The following CTNNA2 variants were observed in gnomAD, a reference collection of about 807,000 sequenced individuals.
CTNNA2 encodes catenin alpha 2.
In CTNNA2, 42 loss-of-function variants were observed where a neutral mutation model predicts 101.0. The ratio of observed to expected loss-of-function variants is 0.42; its 90% CI spans 0.32 to 0.54. The LOEUF (loss-of-function observed/expected upper bound fraction) is 0.54. Among genes scored for constraint, CTNNA2 ranks in the 20% least tolerant of loss-of-function variants. The pLI, the probability that CTNNA2 is intolerant of heterozygous loss-of-function variation, is 0.14. For synonymous variants in CTNNA2, 450 were observed against 456.4 expected (o/e 0.99, Z 0.18); for missense variants, 871 against 1,223.1 (o/e 0.71, Z 4.29).
In CTNNA2 at chr2:79,405,754, T is replaced by A. The variant is rs574656380; in HGVS notation, c.-135+31741T>A. Reference sequence around the variant, plus strand: ...AATCAGGGTAATAAGTATATTCATCTTCTTTTATCTTTGTGAGAGTACCCA... The same window carrying A: ...AATCAGGGTAATAAGTATATTCATCATCTTTTATCTTTGTGAGAGTACCCA... On this transcript the variant is annotated intron_variant, in intron 4 of 21. Coordinates refer to the CTNNA2 transcript ENST00000466387. Among the ~76,000 whole-genome samples the A allele has an allele frequency of 1.4e-4, 22 of 152,272 alleles. No homozygotes were observed. In the South Asian group the frequency reaches 4.6e-3, roughly 32 times the overall value.
chr2:80,408,726 G>T (rs980963952), intron 8 of CTNNA2, among the ~76,000 whole-genome samples: 2 of 152,144 alleles, frequency 1.3e-5, no homozygotes, highest in South Asian at 2.1e-4. Flanking sequence ...GTAAGTAATC[G>T]ACTAGGGGTG....
At chr2:80,201,815 AGTT>A (rs1354514374) in intron 7 of CTNNA2, among the ~76,000 whole-genome samples, 5 of 152,062 alleles carry the variant, frequency 3.3e-5, no homozygotes, top group African/African-American at 9.7e-5. Flanking sequence ...GTTTTTGCCT[AGTT>A]GTTGTTATTT....
chr2:79,911,662 C>A (rs1302913433), intron 7 of CTNNA2, among the ~76,000 whole-genome samples: 1 of 152,150 alleles, frequency 6.6e-6, no homozygotes. Flanking sequence ...ATCTTAGTTT[C>A]TATTTTGACA....
intron 3 of CTNNA2, among the ~76,000 whole-genome samples, chr2:79,807,227 T>G (rs978204849): frequency 6.6e-6 from 1 of 152,196 alleles, no homozygotes; most frequent in Non-Finnish European, 1.5e-5. Context: ...CTCCTATTTC[T>G]CTTCTTTGTA....
intron 2 of CTNNA2, among the ~76,000 whole-genome samples, chr2:79,253,694 T>G (rs1282938565): frequency 3.9e-5 from 6 of 152,198 alleles, no homozygotes; most frequent in Non-Finnish European, 7.3e-5. Context: ...GAACTTAACT[T>G]CATTTATATT....
chr2:80,512,738 GT>G (rs1220722140), intron 9 of CTNNA2, among the ~76,000 whole-genome samples: 1 of 151,554 alleles, frequency 6.6e-6, no homozygotes, highest in Non-Finnish European at 1.5e-5. Flanking sequence ...CTATGTCAGT[GT>G]TTTTTAGTAT....
intron 9 of CTNNA2, among the ~76,000 whole-genome samples, chr2:80,420,807 T>A (rs188315696): frequency 7.9e-4 from 121 of 152,286 alleles, no homozygotes; most frequent in African/African-American, 2.9e-3. Context: ...TGAGCCATCA[T>A]CCATGACAGC....
At chr2:79,873,558 C>A (rs936950036) in intron 5 of CTNNA2, among the ~76,000 whole-genome samples, 1 of 152,004 alleles carries the variant, frequency 6.6e-6, no homozygotes, top group Non-Finnish European at 1.5e-5. Context: ...GGAGCCCTGT[C>A]AGGTGAAAGG....
rs201104527 is a variant in CTNNA2, at chr2:80,374,667, C to CTGCG, written c.1057-18529_1057-18526dup. 8.1e-3 allele frequency among the ~76,000 whole-genome samples: 1,211 copies of CTGCG among 149,182 alleles called. 20 individuals carry two copies. The highest frequency in any genetic ancestry group is 0.028 in the African/African-American group (1,129 of 39,948). ...CTTCGGCCCTCACACTGTCTTTCCT[C>CTGCG]TGCGTGCGTGCGTGCGTGTGTGTGT... On this transcript the variant is annotated intron_variant, in intron 7 of 18. Transcript: ENST00000402739.
At chr2:79,938,720 T>A (rs887243146) in intron 7 of CTNNA2, among the ~76,000 whole-genome samples, 19 of 152,196 alleles carry the variant, frequency 1.2e-4, no homozygotes, top group South Asian at 4.1e-4. Flanking sequence ...CAATTTTTTT[T>A]AAAAGTATTA....
intron 2 of CTNNA2, among the ~76,000 whole-genome samples, chr2:79,260,394 G>A (rs896838731): frequency 2.6e-5 from 4 of 152,120 alleles, no homozygotes; most frequent in Admixed American, 6.6e-5. Context: ...GGCTCTGTTT[G>A]CTAGATATGT....
chr2:80,183,918 G>A (rs1330699660), intron 7 of CTNNA2, among the ~76,000 whole-genome samples: 1 of 151,828 alleles, frequency 6.6e-6, no homozygotes, highest in Non-Finnish European at 1.5e-5. Flanking sequence ...TGTAAGCATT[G>A]TATGGGGCAT....
chr2:80,073,047 GAGTAGA>G (rs1194047216), intron 7 of CTNNA2, among the ~76,000 whole-genome samples: 2 of 152,158 alleles, frequency 1.3e-5, no homozygotes, highest in Non-Finnish European at 2.9e-5. Flanking sequence ...CAATTATCGT[GAGTAGA>G]AGCCAGAAGC....
intron 7 of CTNNA2, among the ~76,000 whole-genome samples, chr2:80,307,528 C>G (rs1677145938): frequency 6.6e-6 from 1 of 151,830 alleles, no homozygotes; most frequent in Admixed American, 6.6e-5. Flanking sequence ...CCTGCTTATT[C>G]TCTCATATGT....
intron 9 of CTNNA2, among the ~76,000 whole-genome samples, chr2:80,460,088 C>A (rs1684298608): frequency 6.6e-6 from 1 of 152,102 alleles, no homozygotes; most frequent in Non-Finnish European, 1.5e-5. Flanking sequence ...GAAATTTAAA[C>A]TCTTAAGACT....
rs138936560 is a variant in CTNNA2, at chr2:80,149,432, C to T, written c.1056+239635C>T. Reference sequence around the variant, plus strand: ...ATAGATGGACATGTACATACACATGCGCACACACACATCATATCCATTTAA... The same window carrying T: ...ATAGATGGACATGTACATACACATGTGCACACACACATCATATCCATTTAA... On this transcript the variant is annotated intron_variant, in intron 7 of 18. Transcript: ENST00000402739. Among the ~76,000 whole-genome samples, 664 of 152,252 alleles carry T rather than the reference C, an allele frequency of 4.4e-3. 5 individuals carry two copies. The highest frequency in any genetic ancestry group is 0.015 in the African/African-American group (613 of 41,546).
intron 9 of CTNNA2, among the ~76,000 whole-genome samples, chr2:80,453,988 A>C (rs918654521): frequency 2.0e-5 from 3 of 152,152 alleles, no homozygotes; most frequent in Admixed American, 1.3e-4. Flanking sequence ...ACAATTGTCA[A>C]AGCTCTGGCT....
At chr2:79,484,377 G>C (rs1457036509) in intron 4 of CTNNA2, among the ~76,000 whole-genome samples, 2 of 152,082 alleles carry the variant, frequency 1.3e-5, no homozygotes, top group Non-Finnish European at 2.9e-5. Flanking sequence ...GAACTTCCTT[G>C]ACCTTAAAGC....
intron 9 of CTNNA2, among the ~76,000 whole-genome samples, chr2:80,427,203 A>G (rs952416869): frequency 1.3e-5 from 2 of 152,192 alleles, no homozygotes; most frequent in Non-Finnish European, 2.9e-5. Flanking sequence ...ATATATTTCT[A>G]TAGCACAGTT....
Sources: allele counts gnomAD v4.1 joint callset (sites outside exome capture counted in the v4.1 genomes callset), GRCh38; gene constraint gnomAD v4.1.1; transcripts MANE v1.5; gene names NCBI Gene and HGNC (gene_info 2026-07-23, HGNC 2026-07-21).